The following NBEAL1 variants were observed in gnomAD, a reference collection of about 807,000 sequenced individuals.
The protein encoded by NBEAL1 is neurobeachin-like protein 1.
In NBEAL1, 273 loss-of-function variants were observed where a neutral mutation model predicts 351.3. The observed-to-expected ratio is 0.78, with a 90% CI of 0.70 to 0.86. NBEAL1 has a LOEUF of 0.86. NBEAL1 is among the 40% of genes least tolerant of loss of function. NBEAL1 has a pLI of 0.00. For missense variants in NBEAL1, 2,961 were observed against 3,201.3 expected (o/e 0.92, Z 1.81); for synonymous variants, 1,050 against 1,086.4 (o/e 0.97, Z 0.66).
intron 33 of NBEAL1, among the ~76,000 whole-genome samples, chr2:203,147,942 A>G (rs576838802): frequency 1.2e-4 from 18 of 151,986 alleles, no homozygotes; most frequent in Non-Finnish European, 2.5e-4. Context: ...TAGGTTTTCT[A>G]GAAATACCTA....
chr2:203,066,938 G>A (rs2061601169), intron 6 of NBEAL1, among the ~76,000 whole-genome samples: 1 of 148,118 alleles, frequency 6.8e-6, no homozygotes, highest in Non-Finnish European at 1.5e-5. Flanking sequence ...ACAAAGGGCA[G>A]CCGGGCAGAG....
At chr2:203,108,293 A>T in intron 14 of NBEAL1, 105 bp downstream of exon 14, 4 of 844,490 alleles carry the variant, frequency 4.7e-6, no homozygotes, top group Non-Finnish European at 7.2e-6. Context: ...TTAGATATAC[A>T]GCTTATCTAA....
At chr2:203,133,704 G>GAT (rs139371910) in intron 27 of NBEAL1, among the ~76,000 whole-genome samples, 6,798 of 143,292 alleles carry the variant, frequency 0.047, 290 homozygotes, top group East Asian at 0.16. Context: ...CACAGTTCTT[G>GAT]ATATATATAT....
chr2:203,213,392 A>C, intron 54 of NBEAL1, 126 bp from the exon 55 acceptor site: 1 of 825,450 alleles, frequency 1.2e-6, no homozygotes, highest in African/African-American at 1.7e-5. Context: ...TCTGGACACA[A>C]GTTCCCACAT....
chr2:203,099,974 C>G lies in NBEAL1; in HGVS notation c.1269+262C>G, dbSNP rs575357386. Among the ~76,000 whole-genome samples, 8 of 152,258 alleles carry G rather than the reference C, an allele frequency of 5.3e-5. No homozygotes were observed. In the South Asian group the frequency reaches 1.7e-3, roughly 32 times the overall value. ...ATATGAACTCAGTGTTTGGCTCCCA[C>G]TTATATGTAAAAACATGTGGTATTT... On this transcript the variant is annotated intron_variant, in intron 12 of 55. Coordinates refer to ENST00000683969, the MANE Select transcript of NBEAL1 (RefSeq NM_001378026.1).
rs1239363599 is a variant in NBEAL1 at position 203,138,313 on chromosome 2, A to G, written c.4717A>G (p.Lys1573Glu). 6.2e-7 allele frequency: 1 copy of G among 1,605,062 alleles called. No homozygotes were observed. Among genetic ancestry groups the G allele is most frequent in the Non-Finnish European group, 8.5e-7 (1 of 1,177,914 alleles). The change falls in exon 30 of 56, where the codon AAG (lysine) becomes GAG (glutamate). Residue 1573 changes from lysine to glutamate, a missense_variant and splice_region_variant. Physicochemically the swap from Lys to Glu is moderately conservative, Grantham distance 56 (BLOSUM62 1). Coordinates refer to ENST00000683969, the MANE Select transcript of NBEAL1 (RefSeq NM_001378026.1). ...AGTTAATTCAAACATGTGGACCGAG[A>G]AGGTGCAGTAATATCTCTTTAAAAT... is the stretch of plus-strand genomic sequence containing the variant. ...GLVNSNMWTE[K>E]LLEDMMLLFD...
At chr2:203,214,737 T>C (rs1020257905) in intron 55 of NBEAL1, among the ~76,000 whole-genome samples, 1 of 152,254 alleles carries the variant, frequency 6.6e-6, no homozygotes, top group African/African-American at 2.4e-5. Context: ...ATCGTGCTGC[T>C]GCACTCCAGC....
chr2:203,205,695 A>G (rs1450862674), intron 51 of NBEAL1, among the ~76,000 whole-genome samples: 2 of 152,220 alleles, frequency 1.3e-5, no homozygotes, highest in Non-Finnish European at 2.9e-5. Context: ...TCTACTCTTA[A>G]GTAAGATAGA....
chr2:203,049,668 G>A (rs2061292624), intron 3 of NBEAL1, 146 bp from the exon 4 acceptor site: 3 of 596,558 alleles, frequency 5.0e-6, no homozygotes, highest in Admixed American at 3.2e-5. Flanking sequence ...TGCTACATCT[G>A]TGTTGCAGAC....
chr2:203,071,569 A>G (rs893320676), intron 7 of NBEAL1, among the ~76,000 whole-genome samples: 2 of 152,146 alleles, frequency 1.3e-5, no homozygotes, highest in African/African-American at 4.8e-5. Flanking sequence ...TACAGAATAC[A>G]TCCATTTTAT....
chr2:203,138,025 A>G, intron 29 of NBEAL1, 137 bp from the exon 30 acceptor site: 1 of 787,306 alleles, frequency 1.3e-6, no homozygotes, highest in Non-Finnish European at 2.0e-6. Context: ...CATTTACAGT[A>G]TCTTAGGGAT....
intron 10 of NBEAL1, among the ~76,000 whole-genome samples, chr2:203,097,008 C>T (rs1190327884): frequency 6.6e-6 from 1 of 152,158 alleles, no homozygotes; most frequent in Non-Finnish European, 1.5e-5. Flanking sequence ...AATGAACTCA[C>T]GGTTTCTTGT....
At position 203,069,569 on chromosome 2, in the gene NBEAL1, C is replaced by T. The variant is rs2061647088; in HGVS notation, c.598+1094C>T. Among the ~76,000 whole-genome samples, 3 of 152,308 alleles carry T rather than the reference C, an allele frequency of 2.0e-5. No individual in the cohort carries two copies. The South Asian group carries it at 6.2e-4, about 32-fold the overall frequency. On this transcript the variant is annotated intron_variant, in intron 7 of 55. Coordinates refer to ENST00000683969, the MANE Select transcript of NBEAL1 (RefSeq NM_001378026.1). ...TTAGAAGTAAAGTATCCCATAAAAG[C>T]CTTTGTCTCTTGTATATTTAGGTTG... is the stretch of plus-strand genomic sequence containing the variant.
At position 203,199,432 on chromosome 2, in the gene NBEAL1, C is replaced by A; in HGVS notation, c.7223C>A (p.Thr2408Asn). ...SNYFTFIKDQ[T>N]VTNPKTQRSI... ...TACTTTACATTCATCAAGGATCAAA[C>A]TGTGACAAATCCAAAGTAAGTAAAT... The change falls in exon 49 of 56, where the codon ACT (threonine) becomes AAT (asparagine). Residue 2408 changes from threonine to asparagine, a missense_variant. Physicochemically the swap from Thr to Asn is moderately conservative, Grantham distance 65. Transcript: ENST00000683969. 1 of 1,586,006 alleles carries A rather than the reference C, an allele frequency of 6.3e-7. No homozygotes were observed. Among genetic ancestry groups the A allele is most frequent in the Non-Finnish European group, 8.6e-7 (1 of 1,156,412 alleles).
intron 3 of NBEAL1, among the ~76,000 whole-genome samples, chr2:203,047,948 G>A (rs2061256478): frequency 6.6e-6 from 1 of 151,296 alleles, no homozygotes; most frequent in Admixed American, 6.6e-5. Context: ...TTGCTATGTT[G>A]CCCAGCCAAT....
Position 203,175,283 on chromosome 2 carries a change from G to A in NBEAL1, c.6460G>A (p.Gly2154Arg), listed in dbSNP as rs2064465915. 1.2e-6 allele frequency: 2 copies of A among 1,612,930 alleles called. No individual in the cohort carries two copies. Among genetic ancestry groups the A allele is most frequent in the Non-Finnish European group, 1.7e-6 (2 of 1,179,672 alleles). Residue 2154 changes from glycine (G) to arginine (R), a missense_variant, in exon 42 of 56, where the codon GGA (glycine) becomes AGA (arginine). Transcript: ENST00000683969. ...FTTLHIQLQS[G>R]RFDCADRQFH... Reference sequence around the variant, plus strand: ...CACCCTCCACATCCAACTTCAGAGTGGAAGGTATGTTTTGAGTAAATAAGC... The same window carrying A: ...CACCCTCCACATCCAACTTCAGAGTAGAAGGTATGTTTTGAGTAAATAAGC...
At chr2:203,067,729 T>C (rs1036306234) in intron 6 of NBEAL1, among the ~76,000 whole-genome samples, 2 of 152,200 alleles carry the variant, frequency 1.3e-5, no homozygotes. Flanking sequence ...CACCATCTAC[T>C]AGTTGGAAGT....
chr2:203,204,370 G>C (rs2065494639), intron 51 of NBEAL1, among the ~76,000 whole-genome samples: 1 of 133,522 alleles, frequency 7.5e-6, no homozygotes, highest in African/African-American at 2.9e-5. Flanking sequence ...TGTCGTCCAT[G>C]CTGGAGTGCA....
chr2:203,204,510 T>G (rs1015495399), intron 51 of NBEAL1, among the ~76,000 whole-genome samples: 2 of 151,698 alleles, frequency 1.3e-5, no homozygotes, highest in African/African-American at 4.8e-5. Context: ...TTTGTGTTTT[T>G]AGTAGAGAGA....
Sources: allele counts gnomAD v4.1 joint callset (sites outside exome capture counted in the v4.1 genomes callset), GRCh38; gene constraint gnomAD v4.1.1; transcripts MANE v1.5; gene names NCBI Gene and HGNC (gene_info 2026-07-23, HGNC 2026-07-21).